RBFOX1: variants seen among roughly 807,000 people sequenced by gnomAD.
RBFOX1 encodes RNA binding fox-1 homolog 1.
A neutral mutation model predicts 57.7 loss-of-function variants in RBFOX1; 8 were observed. The ratio of observed to expected loss-of-function variants is 0.14; its 90% CI spans 0.08 to 0.25. The LOEUF is 0.25. RBFOX1 is among the 10% of genes least tolerant of loss of function. The pLI, the probability that RBFOX1 is intolerant of heterozygous loss-of-function variation, is 1.00. For missense variants in RBFOX1, 611 were observed against 548.5 expected (o/e 1.11, Z -1.14); for synonymous variants, 326 against 222.4 (o/e 1.47, Z -4.15).
At chr16:7,626,571 A>C (rs1252052295) in intron 10 of RBFOX1, among the ~76,000 whole-genome samples, 1 of 152,228 alleles carries the variant, frequency 6.6e-6, no homozygotes, top group Non-Finnish European at 1.5e-5. Flanking sequence ...GTGCTGATAC[A>C]GTCATCGACA....
intron 2 of RBFOX1, among the ~76,000 whole-genome samples, chr16:5,482,145 G>A (rs1251483869): frequency 1.3e-5 from 2 of 152,170 alleles, no homozygotes; most frequent in South Asian, 4.2e-4. Context: ...CATTTACTGT[G>A]AGAATGCTTT....
At chr16:7,098,252 C>G (rs2062030198) in intron 4 of RBFOX1, among the ~76,000 whole-genome samples, 1 of 152,182 alleles carries the variant, frequency 6.6e-6, no homozygotes, top group Non-Finnish European at 1.5e-5. Flanking sequence ...CCATTACAAC[C>G]TCCGCCTTCC....
chr16:5,587,597 C>A (rs1294628666), intron 2 of RBFOX1, among the ~76,000 whole-genome samples: 1 of 152,172 alleles, frequency 6.6e-6, no homozygotes, highest in Non-Finnish European at 1.5e-5. Flanking sequence ...CCTGTAATCC[C>A]AGCTAATCTG....
chr16:5,755,817 C>T (rs977960926), intron 3 of RBFOX1, among the ~76,000 whole-genome samples: 2 of 152,046 alleles, frequency 1.3e-5, no homozygotes, highest in Admixed American at 6.5e-5. Context: ...AGGCTGGTCT[C>T]GAACTCCTGA....
intron 4 of RBFOX1, among the ~76,000 whole-genome samples, chr16:5,963,031 A>T (rs2059780240): frequency 6.6e-6 from 1 of 152,138 alleles, no homozygotes; most frequent in African/African-American, 2.4e-5. Flanking sequence ...CATTTTACTC[A>T]TTTACGGTTG....
At chr16:7,535,730 T>G (rs1027439230) in intron 5 of RBFOX1, among the ~76,000 whole-genome samples, 1 of 152,238 alleles carries the variant, frequency 6.6e-6, no homozygotes, top group African/African-American at 2.4e-5. Flanking sequence ...CACACATACA[T>G]TAATCTACTA....
At chr16:6,183,782 G>C (rs1304088638) in intron 1 of RBFOX1, among the ~76,000 whole-genome samples, 1 of 152,154 alleles carries the variant, frequency 6.6e-6, no homozygotes, top group Non-Finnish European at 1.5e-5. Flanking sequence ...AAAGAGACAA[G>C]AGTGGTACCA....
intron 4 of RBFOX1, among the ~76,000 whole-genome samples, chr16:7,461,823 G>A (rs980466357): frequency 4.7e-3 from 29 of 6,236 alleles, no homozygotes; most frequent in Admixed American, 0.011. Context: ...ATCTCTTAGC[G>A]ACTTCTGGGA....
intron 1 of RBFOX1, among the ~76,000 whole-genome samples, chr16:5,287,860 C>G (rs533411218): frequency 6.6e-6 from 1 of 152,234 alleles, no homozygotes; most frequent in Non-Finnish European, 1.5e-5. Context: ...ACTGCAGAGA[C>G]AAATGGCAGA....
chr16:5,680,621 A>G (rs2050303842), intron 3 of RBFOX1, among the ~76,000 whole-genome samples: 1 of 152,198 alleles, frequency 6.6e-6, no homozygotes, highest in South Asian at 2.1e-4. Context: ...AGTGGCTGTT[A>G]AAGTCAGCGG....
chr16:7,509,905 C>A (rs929847088), intron 4 of RBFOX1, among the ~76,000 whole-genome samples: 2 of 151,440 alleles, frequency 1.3e-5, no homozygotes, highest in Non-Finnish European at 2.9e-5. Flanking sequence ...CAGCTCCAGG[C>A]GATGCATAGA....
intron 4 of RBFOX1, among the ~76,000 whole-genome samples, chr16:7,124,520 C>T (rs1395987020): frequency 1.7e-4 from 15 of 89,234 alleles, no homozygotes; most frequent in Admixed American, 2.6e-4. Context: ...CCCTCCCCTC[C>T]CCTCCCCTCC....
chr16:6,766,552 T>C (rs1185543137), intron 3 of RBFOX1, among the ~76,000 whole-genome samples: 1 of 151,778 alleles, frequency 6.6e-6, no homozygotes, highest in Non-Finnish European at 1.5e-5. Flanking sequence ...ATGACACCCA[T>C]GTTCTTTATC....
At chr16:5,703,002 T>C (rs571382277) in intron 3 of RBFOX1, among the ~76,000 whole-genome samples, 1 of 152,322 alleles carries the variant, frequency 6.6e-6, no homozygotes, top group East Asian at 1.9e-4. Flanking sequence ...TCTTAAAGCT[T>C]CCTTTCCATT....
intron 1 of RBFOX1, among the ~76,000 whole-genome samples, chr16:6,132,997 A>G (rs996440404): frequency 7.3e-5 from 11 of 150,474 alleles, no homozygotes; most frequent in Admixed American, 6.0e-4. Flanking sequence ...AAAAAAGACT[A>G]TTGCTTTTCA....
At chr16:7,220,198 C>G (rs1354866467) in intron 4 of RBFOX1, among the ~76,000 whole-genome samples, 1 of 152,166 alleles carries the variant, frequency 6.6e-6, no homozygotes, top group Admixed American at 6.5e-5. Context: ...AAATTCTTGA[C>G]ATTAGCAGAC....
chr16:7,515,563 A>T (rs562184505), intron 4 of RBFOX1, among the ~76,000 whole-genome samples: 4 of 152,140 alleles, frequency 2.6e-5, no homozygotes, highest in Non-Finnish European at 5.9e-5. Context: ...TCACTTCACA[A>T]TGTATACATA....
chr16:6,800,162 C>A (rs191589056), intron 3 of RBFOX1, among the ~76,000 whole-genome samples: 1 of 150,688 alleles, frequency 6.6e-6, no homozygotes, highest in Non-Finnish European at 1.5e-5. Flanking sequence ...TTCTTTGCGA[C>A]ATCCAGTTTT....
intron 2 of RBFOX1, among the ~76,000 whole-genome samples, chr16:5,521,880 A>T (rs963966468): frequency 3.3e-5 from 5 of 152,178 alleles, no homozygotes; most frequent in African/African-American, 1.2e-4. Context: ...TTGACGAGTC[A>T]TGAGTGCCCA....
Sources: gnomAD v4.1 joint callset for allele counts (sites outside exome capture counted in the v4.1 genomes callset) on GRCh38, gnomAD v4.1.1 for gene constraint, MANE v1.5 for transcripts, NCBI Gene and HGNC (gene_info 2026-07-23, HGNC 2026-07-21) for gene names.